Variants in LRIF1 observed in about 807,000 individuals in gnomAD.
The protein encoded by LRIF1 is ligand-dependent nuclear receptor-interacting factor 1.
Under a neutral mutation model 52.7 loss-of-function variants are expected in LRIF1, and 32 were observed. The ratio of observed to expected loss-of-function variants is 0.61; its 90% CI spans 0.46 to 0.82. LRIF1 has a LOEUF of 0.82. LRIF1 is among the 40% of genes least tolerant of loss of function. The pLI, the probability that LRIF1 is intolerant of heterozygous loss-of-function variation, is 0.00. For synonymous variants in LRIF1, 323 were observed against 317.4 expected (o/e 1.02, Z -0.19); for missense variants, 887 against 892.0 (o/e 0.99, Z 0.07).
the LRIF1 span, among the ~76,000 whole-genome samples, chr1:110,888,641 GGAAAAT>G: frequency 6.6e-6 from 1 of 152,006 alleles, no homozygotes; most frequent in African/African-American, 2.4e-5. Context: ...GTTAAGAAAA[GGAAAAT>G]GAAAAAGGTG....
chr1:110,952,611 T>C lies in LRIF1; in HGVS notation c.273A>G (p.Ala91=), dbSNP rs147681051. The C allele has an allele frequency of 3.7e-6, 6 of 1,614,136 alleles. No individual in the cohort carries two copies. The highest frequency in any genetic ancestry group is 2.2e-5 in the South Asian group (2 of 91,088). ...QTQISSSSTS[A]SVQLPIFQPA... is the part of the protein sequence containing the mutation. ...GCTGAAAAATGGGCAATTGAACTGA[T>C]GCACTTGTGGAAGAGCTGGAAATCT... is the stretch of plus-strand genomic sequence containing the variant. Residue 91 remains alanine, a synonymous_variant, in exon 2 of 4, where the codon GCA becomes GCG. Coordinates refer to ENST00000369763, the MANE Select transcript of LRIF1 (RefSeq NM_018372.4).
At chr1:110,959,970 T>C (rs1003381855) in intron 1 of LRIF1, among the ~76,000 whole-genome samples, 1 of 152,066 alleles carries the variant, frequency 6.6e-6, no homozygotes, top group African/African-American at 2.4e-5. Context: ...ATCTATGACA[T>C]AACATTATAT....
the LRIF1 span, among the ~76,000 whole-genome samples, chr1:110,890,418 T>C: frequency 2.0e-5 from 3 of 151,938 alleles, no homozygotes; most frequent in Admixed American, 6.6e-5. Flanking sequence ...AATACAAAAA[T>C]TATCCGGGCA....
the LRIF1 span, among the ~76,000 whole-genome samples, chr1:110,905,187 G>A: frequency 6.6e-6 from 1 of 152,144 alleles, no homozygotes; most frequent in Non-Finnish European, 1.5e-5. Context: ...TTAAAGAGGA[G>A]GTAGAGAAAG....
At chr1:110,905,467 G>A in the LRIF1 span, among the ~76,000 whole-genome samples, 24 of 151,584 alleles carry the variant, frequency 1.6e-4, no homozygotes, top group African/African-American at 5.8e-4. Flanking sequence ...CTTACAGGCC[G>A]AGAGAGTGGC....
At chr1:110,894,515 G>A in the LRIF1 span, 2,004 of 810,450 alleles carry the variant, frequency 2.5e-3, 8 homozygotes, top group Non-Finnish European at 3.7e-3. Flanking sequence ...GAAATGAAGT[G>A]GAAGGATAGA....
the LRIF1 span, among the ~76,000 whole-genome samples, chr1:110,907,279 C>T: frequency 6.6e-6 from 1 of 152,274 alleles, no homozygotes; most frequent in South Asian, 2.1e-4. Flanking sequence ...CTTTAGAAGG[C>T]TTGCAATTAT....
At chr1:110,907,773 C>A in the LRIF1 span, among the ~76,000 whole-genome samples, 2 of 152,016 alleles carry the variant, frequency 1.3e-5, no homozygotes, top group African/African-American at 4.8e-5. Context: ...TTTTCTTTTC[C>A]AGTTAAGTGC....
At chr1:110,920,216 C>G in the LRIF1 span, among the ~76,000 whole-genome samples, 1 of 152,140 alleles carries the variant, frequency 6.6e-6, no homozygotes, top group African/African-American at 2.4e-5. Context: ...AATTGAAAAC[C>G]TATGTTCATA....
At chr1:110,877,199 G>A in the LRIF1 span, among the ~76,000 whole-genome samples, 1 of 152,176 alleles carries the variant, frequency 6.6e-6, no homozygotes, top group East Asian at 1.9e-4. Flanking sequence ...TTCTTGAAGA[G>A]TAAGGTCAGT....
At chr1:110,893,643 T>C in the LRIF1 span, among the ~76,000 whole-genome samples, 1 of 152,232 alleles carries the variant, frequency 6.6e-6, no homozygotes, top group East Asian at 1.9e-4. Flanking sequence ...ACTCTTAAAC[T>C]GGAGCCAAGA....
At position 110,948,060 on chromosome 1, in the gene LRIF1, C is replaced by G; in HGVS notation, c.2209G>C (p.Glu737Gln). ...DIFPVTPPELEETIRDEKIRR... is the reference protein window; with the variant it reads ...DIFPVTPPELQETIRDEKIRR... Reference sequence around the variant, plus strand: ...ATTTTTTCATCTCGAATGGTTTCTTCTAACTCCGGTGGTGTCACTGGGAAA... The same window carrying G: ...ATTTTTTCATCTCGAATGGTTTCTTGTAACTCCGGTGGTGTCACTGGGAAA... Residue 737 changes from glutamate (E) to glutamine (Q), a missense_variant, in exon 4 of 4, where the codon GAA becomes CAA. Transcript: ENST00000369763. 1 of 1,614,022 alleles carries G rather than the reference C, an allele frequency of 6.2e-7. No homozygotes were observed. Among genetic ancestry groups the G allele is most frequent in the Non-Finnish European group, 8.5e-7 (1 of 1,179,980 alleles).
At chr1:110,904,720 T>C in the LRIF1 span, among the ~76,000 whole-genome samples, 1 of 152,116 alleles carries the variant, frequency 6.6e-6, no homozygotes, top group African/African-American at 2.4e-5. Context: ...CTAACTCTTC[T>C]ATGCTCGGAC....
At chr1:110,911,612 G>A in the LRIF1 span, among the ~76,000 whole-genome samples, 1 of 152,024 alleles carries the variant, frequency 6.6e-6, no homozygotes, top group Non-Finnish European at 1.5e-5. Context: ...AACAAAATAC[G>A]AGCAAATTGA....
intron 3 of LRIF1, among the ~76,000 whole-genome samples, chr1:110,948,924 C>A (rs1459116298): frequency 1.3e-5 from 2 of 152,074 alleles, no homozygotes; most frequent in Non-Finnish European, 2.9e-5. Context: ...ATGCTTATAT[C>A]TTCTACTACA....
At chr1:110,905,838 T>C in the LRIF1 span, among the ~76,000 whole-genome samples, 6,810 of 152,092 alleles carry the variant, frequency 0.045, 240 homozygotes, top group Non-Finnish European at 0.072. Flanking sequence ...TTTTAAGACA[T>C]AGACAGTACA....
At chr1:110,902,094 T>C in the LRIF1 span, among the ~76,000 whole-genome samples, 2 of 151,288 alleles carry the variant, frequency 1.3e-5, no homozygotes, top group Non-Finnish European at 3.0e-5. Flanking sequence ...TCTGCTCTTC[T>C]AGTATTCACC....
At chr1:110,897,650 A>G in the LRIF1 span, 1 of 487,296 alleles carries the variant, frequency 2.1e-6, no homozygotes. Context: ...TTCCCACCTT[A>G]TGCCTGTTTC....
intron 1 of LRIF1, 33 bp downstream of exon 1, chr1:110,963,588 C>T: frequency 6.3e-7 from 1 of 1,580,136 alleles, no homozygotes; most frequent in Non-Finnish European, 8.7e-7. Context: ...GACAGAGGGG[C>T]AGCCGTGGGG....
Sources: allele counts gnomAD v4.1 joint callset (sites outside exome capture counted in the v4.1 genomes callset), GRCh38; gene constraint gnomAD v4.1.1; transcripts MANE v1.5; gene names NCBI Gene and HGNC (gene_info 2026-07-23, HGNC 2026-07-21).